The following NRG1 variants were observed in gnomAD, a reference collection of about 807,000 sequenced individuals.
NRG1 encodes pro-neuregulin-1, membrane-bound isoform.
A neutral mutation model predicts 63.8 loss-of-function variants in NRG1; 18 were observed. The observed-to-expected ratio is 0.28, with a 90% confidence interval of 0.19 to 0.42. NRG1 has a LOEUF of 0.42. Among genes scored for constraint, NRG1 ranks in the 10% least tolerant of loss-of-function variants. NRG1 has a pLI of 1.00. For missense variants in NRG1, 762 were observed against 814.7 expected (o/e 0.94, Z 0.79); for synonymous variants, 302 against 301.3 (o/e 1.00, Z -0.02).
Position 32,600,246 on chromosome 8 carries a change from A to T in NRG1, c.278+4241A>T, listed in dbSNP as rs543809548. Among the ~76,000 whole-genome samples the T allele has an allele frequency of 5.9e-4, 88 of 148,758 alleles. 1 individual carries two copies. Among genetic ancestry groups the T allele is most frequent in the African/African-American group, 2.1e-3 (83 of 39,924 alleles). ...ATAGCAAGACCCCGTCTCTATACTT[A>T]AAAAAAAATCATAATTTCCTCTTTC... On this transcript the variant is annotated intron_variant, in intron 2 of 11. Transcript: ENST00000356819.
intron 1 of NRG1, among the ~76,000 whole-genome samples, chr8:31,920,546 T>C (rs986918712): frequency 7.9e-5 from 12 of 152,110 alleles, no homozygotes; most frequent in African/African-American, 2.7e-4. Context: ...CAACTCCAAA[T>C]GGTTCTTCAG....
At chr8:31,994,731 C>A (rs977080570) in intron 1 of NRG1, among the ~76,000 whole-genome samples, 1 of 146,898 alleles carries the variant, frequency 6.8e-6, no homozygotes, top group African/African-American at 2.5e-5. Flanking sequence ...CTTAAATTTC[C>A]CTTCTATGCT....
intron 1 of NRG1, among the ~76,000 whole-genome samples, chr8:32,087,047 C>G (rs951802156): frequency 6.6e-6 from 1 of 152,148 alleles, no homozygotes; most frequent in African/African-American, 2.4e-5. Context: ...CTCCCACTTC[C>G]CAGCCCCAGG....
chr8:32,712,975 A>G (rs16879801), intron 5 of NRG1, among the ~76,000 whole-genome samples: 14,334 of 152,202 alleles, frequency 0.094, 725 homozygotes, highest in African/African-American at 0.12. Context: ...AGTTGTGAAA[A>G]TGGTCAGCTT....
chr8:32,542,010 C>A (rs1047258926), intron 1 of NRG1, among the ~76,000 whole-genome samples: 1 of 152,080 alleles, frequency 6.6e-6, no homozygotes, highest in Admixed American at 6.5e-5. Flanking sequence ...GTTTTTAATT[C>A]CCCTCTAACA....
intron 1 of NRG1, among the ~76,000 whole-genome samples, chr8:32,510,105 A>G (rs908562799): frequency 7.1e-6 from 1 of 140,618 alleles, no homozygotes; most frequent in African/African-American, 2.5e-5. Context: ...AAAAATAATA[A>G]TAATAATAAT....
At chr8:32,250,603 A>G (rs1849002369) in intron 1 of NRG1, among the ~76,000 whole-genome samples, 1 of 152,140 alleles carries the variant, frequency 6.6e-6, no homozygotes, top group African/African-American at 2.4e-5. Context: ...CACGAATGCA[A>G]TGCAACACAC....
intron 1 of NRG1, among the ~76,000 whole-genome samples, chr8:32,499,041 G>C (rs189031682): frequency 4.2e-4 from 64 of 152,312 alleles, no homozygotes; most frequent in Non-Finnish European, 6.6e-4. Flanking sequence ...ATTTGGGTTA[G>C]TTCCTGAGAG....
intron 1 of NRG1, among the ~76,000 whole-genome samples, chr8:31,808,164 A>T (rs992955386): frequency 6.6e-6 from 1 of 152,018 alleles, no homozygotes; most frequent in Non-Finnish European, 1.5e-5. Context: ...CTATTCTTTC[A>T]TGATTAAAAG....
chr8:31,847,491 G>A (rs1390689746), intron 1 of NRG1, among the ~76,000 whole-genome samples: 1 of 152,178 alleles, frequency 6.6e-6, no homozygotes, highest in Non-Finnish European at 1.5e-5. Flanking sequence ...AGAGGATGGG[G>A]CTGTTGAAGC....
At chr8:32,570,481 A>G (rs1033833010) in intron 1 of NRG1, among the ~76,000 whole-genome samples, 16 of 152,182 alleles carry the variant, frequency 1.1e-4, no homozygotes, top group Admixed American at 1.0e-3. Flanking sequence ...AAACTTCAGA[A>G]AAGAAAGGGC....
At position 32,458,095 on chromosome 8, in the gene NRG1, T is replaced by A. The variant is rs369568658; in HGVS notation, c.38-137733T>A. Among the ~76,000 whole-genome samples, 33 of 152,194 alleles carry A rather than the reference T, an allele frequency of 2.2e-4. No individual in the cohort carries two copies. The East Asian group carries it at 2.3e-3, about 11-fold the overall frequency. ...ACCACGTCCAGCTAATTTTTGTATT[T>A]TTAGTAGAGACGGGGTTTCACTATG... On this transcript the variant is annotated intron_variant, in intron 1 of 10. Transcript: ENST00000519301.
At chr8:31,714,610 A>G (rs1053847977) in intron 1 of NRG1, among the ~76,000 whole-genome samples, 1 of 152,184 alleles carries the variant, frequency 6.6e-6, no homozygotes, top group African/African-American at 2.4e-5. Flanking sequence ...GACTAAGCAT[A>G]TTGTATACCA....
At chr8:32,037,793 C>T (rs573386302) in intron 1 of NRG1, among the ~76,000 whole-genome samples, 1 of 152,350 alleles carries the variant, frequency 6.6e-6, no homozygotes, top group East Asian at 1.9e-4. Flanking sequence ...CAGGGAAAAA[C>T]GGCTGACTGG....
At chr8:32,618,842 T>C (rs916812806) in intron 5 of NRG1, among the ~76,000 whole-genome samples, 1 of 152,120 alleles carries the variant, frequency 6.6e-6, no homozygotes, top group African/African-American at 2.4e-5. Flanking sequence ...TTTATTAGGT[T>C]GATCAAGGTA....
chr8:32,081,715 G>A (rs1827488688), intron 1 of NRG1, among the ~76,000 whole-genome samples: 1 of 152,016 alleles, frequency 6.6e-6, no homozygotes, highest in Non-Finnish European at 1.5e-5. Context: ...GGAAAGCTAA[G>A]CTTATGATCA....
chr8:32,563,972 T>G (rs1212308780), intron 1 of NRG1, among the ~76,000 whole-genome samples: 1 of 152,144 alleles, frequency 6.6e-6, no homozygotes, highest in Non-Finnish European at 1.5e-5. Flanking sequence ...GTATCTATTC[T>G]CCTCTCGATA....
At position 32,225,727 on chromosome 8, in the gene NRG1, A is replaced by C. The variant is rs114945858; in HGVS notation, c.38-370101A>C. Among the ~76,000 whole-genome samples, 4 of 152,330 alleles carry C rather than the reference A, an allele frequency of 2.6e-5. No homozygotes were observed. The South Asian group carries it at 8.3e-4, about 32-fold the overall frequency. On this transcript the variant is annotated intron_variant, in intron 1 of 10. Transcript: ENST00000519301. Reference sequence around the variant, plus strand: ...TAATAAGCAGCTAGAAAGTACCACAATGTAAATTCAACTGCAGAAGACATG... The same window carrying C: ...TAATAAGCAGCTAGAAAGTACCACACTGTAAATTCAACTGCAGAAGACATG...
chr8:31,943,459 C>G (rs1027701895), intron 1 of NRG1, among the ~76,000 whole-genome samples: 1 of 151,932 alleles, frequency 6.6e-6, no homozygotes, highest in African/African-American at 2.4e-5. Flanking sequence ...ATGGCTGCAC[C>G]AAAATTTCAG....
Sources: gnomAD v4.1 joint callset for allele counts (sites outside exome capture counted in the v4.1 genomes callset) on GRCh38, gnomAD v4.1.1 for gene constraint, MANE v1.5 for transcripts, NCBI Gene and HGNC (gene_info 2026-07-23, HGNC 2026-07-21) for gene names.